Variants in PCDHA5 observed in about 807,000 individuals in gnomAD.
PCDHA5 encodes protocadherin alpha-5.
In PCDHA5, 43 loss-of-function variants were observed where a neutral mutation model predicts 61.6. The observed-to-expected ratio is 0.70, with a 90% confidence interval of 0.55 to 0.90. The LOEUF is 0.90. Ranked by LOEUF, PCDHA5 falls within the 40% of genes least tolerant of loss-of-function variation. PCDHA5 has a pLI of 0.00. For synonymous variants in PCDHA5, 627 were observed against 543.9 expected (o/e 1.15, Z -2.13); for missense variants, 1,298 against 1,222.7 (o/e 1.06, Z -0.92).
At chr5:140,884,022 T>G (rs2059946002) in intron 1 of PCDHA5, 1 of 1,613,028 alleles carries the variant, frequency 6.2e-7, no homozygotes, top group Non-Finnish European at 8.5e-7. Context: ...CCGCGGTCGG[T>G]GGGTGCAGGC....
At chr5:140,954,453 A>G (rs1489783264) in intron 1 of PCDHA5, among the ~76,000 whole-genome samples, 1 of 152,142 alleles carries the variant, frequency 6.6e-6, no homozygotes, top group East Asian at 1.9e-4. Flanking sequence ...ACTTGTTAAT[A>G]ATTGCCATTC....
chr5:140,828,627 G>A lies in PCDHA5; in HGVS notation c.2352+4500G>A, dbSNP rs1769859813. On this transcript the variant is annotated intron_variant, in intron 1 of 3. Coordinates refer to ENST00000529859, the MANE Select transcript of PCDHA5 (RefSeq NM_018908.3). ...AAACTCAGTTCTAGCGAATACTTCG[G>A]GCTAGATGTGAAAATAAACAGTGAT... The A allele has an allele frequency of 3.7e-6, 6 of 1,614,114 alleles. No homozygotes were observed. Among genetic ancestry groups the A allele is most frequent in the Non-Finnish European group, 5.1e-6 (6 of 1,179,986 alleles).
intron 1 of PCDHA5, among the ~76,000 whole-genome samples, chr5:140,923,142 TA>T (rs1262526439): frequency 5.3e-5 from 8 of 152,122 alleles, no homozygotes; most frequent in East Asian, 3.9e-4. Context: ...AGGTGGAATA[TA>T]AAAAAAATTA....
chr5:140,983,054 G>A (rs933321433), intron 3 of PCDHA5, among the ~76,000 whole-genome samples: 1 of 151,858 alleles, frequency 6.6e-6, no homozygotes. Flanking sequence ...GAAAATTATC[G>A]GAACCAAGGC....
chr5:140,955,284 T>C (rs1207930664), intron 1 of PCDHA5, among the ~76,000 whole-genome samples: 1 of 152,170 alleles, frequency 6.6e-6, no homozygotes, highest in African/African-American at 2.4e-5. Context: ...CATATTGATA[T>C]GGTTTGGCTG....
intron 1 of PCDHA5, chr5:140,860,153 GTATATATATATGTA>G (rs1410832204): frequency 1.4e-5 from 2 of 147,972 alleles, no homozygotes; most frequent in Admixed American, 1.4e-4. Flanking sequence ...GTATATATGT[GTATATATATATGTA>G]TATATATATG....
intron 1 of PCDHA5, chr5:140,857,757 G>C (rs782736508): frequency 6.3e-7 from 1 of 1,597,402 alleles, no homozygotes; most frequent in Non-Finnish European, 8.6e-7. Flanking sequence ...TCTCCCGCTG[G>C]CAGCGCGGGC....
At chr5:140,841,181 C>A (rs1777072934) in intron 1 of PCDHA5, 2 of 1,156,492 alleles carry the variant, frequency 1.7e-6, no homozygotes, top group Non-Finnish European at 2.4e-6. Flanking sequence ...GGTCAATGTT[C>A]AAAGTCTTTT....
chr5:140,857,086 A>G, intron 1 of PCDHA5: 1 of 1,596,918 alleles, frequency 6.3e-7, no homozygotes, highest in South Asian at 1.1e-5. Context: ...ATGATAATTC[A>G]CCTGAGGTGA....
At chr5:140,840,195 GA>G (rs1173726690) in intron 1 of PCDHA5, among the ~76,000 whole-genome samples, 15 of 152,034 alleles carry the variant, frequency 9.9e-5, no homozygotes, top group African/African-American at 3.6e-4. Context: ...GTAGGCAAAG[GA>G]AAAGAAGTCA....
At chr5:140,876,361 C>T (rs1554168496) in intron 1 of PCDHA5, 1 of 1,613,880 alleles carries the variant, frequency 6.2e-7, no homozygotes. Flanking sequence ...TTCAATAAAT[C>T]CAGACACAGG....
At position 140,863,376 on chromosome 5, in the gene PCDHA5, C is replaced by A. The variant is rs781824830; in HGVS notation, c.2352+39249C>A. The A allele has an allele frequency of 5.3e-6, 6 of 1,123,238 alleles. No individual in the cohort carries two copies. The Admixed American group carries it at 5.5e-5, about 10-fold the overall frequency. 69.6% of individuals were successfully genotyped at this position (1,123,238 alleles called of 1,614,324 possible). On this transcript the variant is annotated intron_variant, in intron 1 of 3. Transcript: ENST00000529859. ...CGCTGCGGTGCTTGGCGCAGCTCAC[C>A]GAGAGCTCGTGCATGCCGGGCAAGC... is the stretch of plus-strand genomic sequence containing the variant.
In PCDHA5 at chr5:140,957,392, T is replaced by A. The variant is rs1035836709; in HGVS notation, c.2353-21557T>A. Among the ~76,000 whole-genome samples the A allele has an allele frequency of 2.6e-5, 4 of 152,222 alleles. No individual in the cohort carries two copies. In the East Asian group the frequency reaches 5.8e-4, roughly 22 times the overall value. ...TTATTATAGTGTATTGTTATAATTG[T>A]CCTAATTTATTATTATTGTTGTTAA... is the stretch of plus-strand genomic sequence containing the variant. On this transcript the variant is annotated intron_variant, in intron 1 of 3. Coordinates refer to ENST00000529859, the MANE Select transcript of PCDHA5 (RefSeq NM_018908.3).
At chr5:140,852,888 T>A in intron 1 of PCDHA5, 1 of 920,092 alleles carries the variant, frequency 1.1e-6, no homozygotes. Context: ...AAAACGTATT[T>A]TTTTTTTTGA....
At chr5:140,870,773 A>C (rs1554164699) in intron 1 of PCDHA5, 1 of 1,613,598 alleles carries the variant, frequency 6.2e-7, no homozygotes, top group Admixed American at 1.7e-5. Context: ...GTGCTGGACG[A>C]GAACGACAAC....
At chr5:140,871,595 C>A in intron 1 of PCDHA5, 1 of 1,454,324 alleles carries the variant, frequency 6.9e-7, no homozygotes, top group South Asian at 1.5e-5. Context: ...TTATGAATAA[C>A]CAGTGTTTTG....
chr5:140,995,434 A>G (rs146744164), intron 3 of PCDHA5, among the ~76,000 whole-genome samples: 4 of 152,320 alleles, frequency 2.6e-5, no homozygotes, highest in African/African-American at 7.2e-5. Context: ...ACAGCTTGCA[A>G]TTTAAAACTT....
intron 1 of PCDHA5, chr5:140,851,314 C>G (rs1276562311): frequency 1.0e-6 from 1 of 997,874 alleles, no homozygotes; most frequent in Non-Finnish European, 1.2e-6. Context: ...CAATTGTTAC[C>G]TTGTTAAGTT....
chr5:140,843,885 G>A, intron 1 of PCDHA5: 1 of 709,038 alleles, frequency 1.4e-6, no homozygotes, highest in South Asian at 2.0e-5. Context: ...GCATAATACA[G>A]TATTAATCAT....
Sources: gnomAD v4.1 joint callset for allele counts (sites outside exome capture counted in the v4.1 genomes callset) on GRCh38, gnomAD v4.1.1 for gene constraint, MANE v1.5 for transcripts, NCBI Gene and HGNC (gene_info 2026-07-23, HGNC 2026-07-21) for gene names.